The following TMEM150C variants were observed in gnomAD, a reference collection of about 807,000 sequenced individuals.
The protein encoded by TMEM150C is transmembrane protein 150C.
In TMEM150C, 10 loss-of-function variants were observed where a neutral mutation model predicts 29.9. The ratio of observed to expected loss-of-function variants is 0.33; its 90% CI spans 0.21 to 0.57. The LOEUF (loss-of-function observed/expected upper bound fraction) is 0.57. Among genes scored for constraint, TMEM150C ranks in the 20% least tolerant of loss-of-function variants. The probability of loss-of-function intolerance (pLI) is 0.88; values close to 1 mark genes in which losing one functional copy is unlikely to be tolerated. For missense variants in TMEM150C, 251 were observed against 303.6 expected, an observed-to-expected ratio of 0.83 and a Z score of 1.29; for synonymous variants, 101 against 112.5, an observed-to-expected ratio of 0.90 and a Z score of 0.64.
At chr4:82,551,218 A>G (rs1486160966) in intron 1 of TMEM150C, among the ~76,000 whole-genome samples, 1 of 152,218 alleles carries the variant, frequency 6.6e-6, no homozygotes, top group Non-Finnish European at 1.5e-5. Flanking sequence ...TAGTTCTTAG[A>G]AAACATTCTC....
chr4:82,511,970 G>A (rs370666690), intron 1 of TMEM150C, among the ~76,000 whole-genome samples: 3 of 152,274 alleles, frequency 2.0e-5, no homozygotes, highest in African/African-American at 7.2e-5. Context: ...TTAGCTAATA[G>A]AAGTCTAATT....
chr4:82,520,642 C>A (rs570012472), intron 1 of TMEM150C, among the ~76,000 whole-genome samples: 2 of 152,274 alleles, frequency 1.3e-5, no homozygotes, highest in East Asian at 3.9e-4. Context: ...GCCTGTTATA[C>A]CAGCACGGAG....
At chr4:82,539,546 G>A (rs191433162) in intron 1 of TMEM150C, among the ~76,000 whole-genome samples, 1,741 of 151,578 alleles carry the variant, frequency 0.011, 27 homozygotes, top group African/African-American at 0.04. Flanking sequence ...TCCGCCTCCC[G>A]GGTTCACGCC....
chr4:82,495,240 A>G, intron 6 of TMEM150C: 1 of 270,872 alleles, frequency 3.7e-6, no homozygotes. Flanking sequence ...CAGGAGATCA[A>G]GACCATCCTG....
upstream of TMEM150C, chr4:82,562,193 G>C (rs1725965266): frequency 1.6e-6 from 2 of 1,284,044 alleles, no homozygotes; most frequent in Non-Finnish European, 1.0e-6. Context: ...GGGCGGGCGA[G>C]CCGCTTCCTT....
intron 1 of TMEM150C, among the ~76,000 whole-genome samples, chr4:82,517,174 AATT>A (rs1424671798): frequency 1.3e-5 from 2 of 152,186 alleles, no homozygotes; most frequent in Non-Finnish European, 2.9e-5. Context: ...AGACCTTGTA[AATT>A]ATCAGCCTTC....
chr4:82,532,652 A>G (rs1724883137), intron 1 of TMEM150C, among the ~76,000 whole-genome samples: 2 of 152,292 alleles, frequency 1.3e-5, no homozygotes, highest in South Asian at 4.1e-4. Context: ...GTATATACAT[A>G]GAACTTTAAG....
intron 1 of TMEM150C, among the ~76,000 whole-genome samples, chr4:82,559,351 C>T (rs183343594): frequency 7.3e-4 from 111 of 151,614 alleles, no homozygotes; most frequent in Non-Finnish European, 1.8e-4. Flanking sequence ...TCAAGACCAG[C>T]CTGATCAACA....
At chr4:82,531,388 AG>A (rs1724841055) in intron 1 of TMEM150C, among the ~76,000 whole-genome samples, 1 of 152,140 alleles carries the variant, frequency 6.6e-6, no homozygotes, top group South Asian at 2.1e-4. Context: ...TGGACTATGT[AG>A]AATGGGAAGA....
At chr4:82,512,694 A>C (rs982471289) in intron 1 of TMEM150C, among the ~76,000 whole-genome samples, 1 of 152,180 alleles carries the variant, frequency 6.6e-6, no homozygotes, top group Admixed American at 6.5e-5. Context: ...GTGATGAAAA[A>C]GTTTCAGAGA....
chr4:82,514,526 G>A (rs1724230860), intron 1 of TMEM150C, among the ~76,000 whole-genome samples: 1 of 152,048 alleles, frequency 6.6e-6, no homozygotes, highest in Non-Finnish European at 1.5e-5. Flanking sequence ...TCTCCCTTGG[G>A]ATGAAGCAAG....
chr4:82,511,317 A>G (rs116605105), intron 1 of TMEM150C, among the ~76,000 whole-genome samples: 18 of 152,244 alleles, frequency 1.2e-4, no homozygotes, highest in African/African-American at 4.1e-4. Flanking sequence ...CTAAGAACCA[A>G]TGGCAACTAG....
rs201720370 is a variant in TMEM150C at position 82,485,624 on chromosome 4, C to A, written c.637G>T (p.Val213Leu). The A allele has an allele frequency of 5.6e-6, 9 of 1,610,118 alleles. No individual in the cohort carries two copies. In the African/African-American group the frequency reaches 8.0e-5, roughly 14 times the overall value. ...CFLSYFGTFA[V>L]EFRHYRYEIV... The stretch of plus-strand genomic sequence containing the variant: ...TCATAGCGGTAATGCCGGAACTCCA[C>A]GGCAAAGGTGCCAAAATAAGACAGG... The change falls in exon 8 of 8, where the codon GTG (valine) becomes TTG (leucine). Residue 213 changes from valine to leucine, a missense_variant. Val to Leu is a conservative substitution (Grantham distance 32). Coordinates refer to ENST00000449862, the MANE Select transcript of TMEM150C (RefSeq NM_001080506.3).
chr4:82,543,821 C>T (rs1210834343), intron 1 of TMEM150C, among the ~76,000 whole-genome samples: 11 of 152,174 alleles, frequency 7.2e-5, no homozygotes, highest in Admixed American at 6.5e-4. Flanking sequence ...AAGAGAAACC[C>T]TTGTGGGCCG....
intron 1 of TMEM150C, among the ~76,000 whole-genome samples, chr4:82,510,160 T>G (rs1436174788): frequency 2.6e-5 from 4 of 151,960 alleles, no homozygotes; most frequent in African/African-American, 9.7e-5. Flanking sequence ...GCGCCTGTAG[T>G]CCCAGCTACT....
intron 1 of TMEM150C, among the ~76,000 whole-genome samples, chr4:82,523,699 T>TC (rs1267787314): frequency 5.5e-5 from 7 of 127,442 alleles, no homozygotes; most frequent in African/African-American, 2.7e-4. Context: ...ACAAATAACT[T>TC]TTTTTTTTTT....
chr4:82,523,572 C>A (rs572230496), intron 1 of TMEM150C, among the ~76,000 whole-genome samples: 5 of 152,300 alleles, frequency 3.3e-5, no homozygotes, highest in East Asian at 1.9e-4. Flanking sequence ...TCAAAGTTTG[C>A]CGGCCTGGTG....
At chr4:82,514,581 G>A (rs1724232695) in intron 1 of TMEM150C, among the ~76,000 whole-genome samples, 1 of 152,098 alleles carries the variant, frequency 6.6e-6, no homozygotes, top group Admixed American at 6.6e-5. Context: ...ATTCTTGGTG[G>A]TCAGAGGCAC....
At chr4:82,519,897 T>A (rs1724429888) in intron 1 of TMEM150C, among the ~76,000 whole-genome samples, 1 of 152,262 alleles carries the variant, frequency 6.6e-6, no homozygotes, top group South Asian at 2.1e-4. Context: ...AATATCTTAA[T>A]ATTTTTGGAC....
Sources: allele counts gnomAD v4.1 joint callset (sites outside exome capture counted in the v4.1 genomes callset), GRCh38; gene constraint gnomAD v4.1.1; transcripts MANE v1.5; gene names NCBI Gene and HGNC (gene_info 2026-07-23, HGNC 2026-07-21).